Variants in KMT2E observed in about 807,000 individuals in gnomAD.
KMT2E encodes the protein histone reader KMT2E.
In KMT2E, 30 loss-of-function variants were observed where a neutral mutation model predicts 184.6. The ratio of observed to expected loss-of-function variants is 0.16; its 90% CI spans 0.12 to 0.22. The LOEUF (loss-of-function observed/expected upper bound fraction) is 0.22. Ranked by LOEUF, KMT2E falls within the 10% of genes least tolerant of loss-of-function variation. The probability of loss-of-function intolerance (pLI) is 1.00; values close to 1 mark genes in which losing one functional copy is unlikely to be tolerated. For missense variants in KMT2E, 2,023 were observed against 2,237.4 expected, an observed-to-expected ratio of 0.90 and a Z score of 1.93; for synonymous variants, 815 against 776.5, an observed-to-expected ratio of 1.05 and a Z score of -0.82.
Position 105,090,293 on chromosome 7 carries a change from A to G in KMT2E, c.1623+20A>G, listed in dbSNP as rs113236949. ...AATCAGGTACTGAACTCTGCTCTCA[A>G]TGAAATTGAATAAACAAAGGAAAAT... On this transcript the variant is annotated intron_variant, in intron 14 of 26. Transcript: ENST00000311117. 1.6e-4 allele frequency: 244 copies of G among 1,565,942 alleles called. No individual in the cohort carries two copies. The highest frequency in any genetic ancestry group is 3.5e-4 in the Middle Eastern group (2 of 5,794).
intron 3 of KMT2E, among the ~76,000 whole-genome samples, chr7:105,058,351 A>G (rs1796657169): frequency 6.6e-6 from 1 of 152,214 alleles, no homozygotes; most frequent in Non-Finnish European, 1.5e-5. Flanking sequence ...TTAATGATCA[A>G]CAGATTCAGG....
At position 105,062,178 on chromosome 7, in the gene KMT2E, A is replaced by AAGCT; in HGVS notation, c.90_93dup (p.Pro32Ter). 6.2e-7 allele frequency: 1 copy of AAGCT among 1,611,690 alleles called. No homozygotes were observed. On this transcript the variant is annotated frameshift_variant, in exon 4 of 27. Coordinates refer to ENST00000311117, the MANE Select transcript of KMT2E (RefSeq NM_182931.3). LOFTEE classifies it high-confidence loss of function. ...TTTCCCCCCAGACCAGAATCCGTAGAAGCTAGCCCTGTGGTAGTTGAGAAA... is the reference window on the plus strand; with the variant it reads ...TTTCCCCCCAGACCAGAATCCGTAGAAGCTAGCTAGCCCTGTGGTAGTTGAGAAA...
In KMT2E at chr7:105,108,000, T is replaced by TA; in HGVS notation, c.3468+76dup. ...TCATAATACTACTGAGGGGAATTGTTAGATGTATTATGTAAGGCATTCTTA... is the reference window on the plus strand; with the variant it reads ...TCATAATACTACTGAGGGGAATTGTTAAGATGTATTATGTAAGGCATTCTTA... On this transcript the variant is annotated intron_variant, in intron 22 of 26. Transcript: ENST00000311117. 3 of 1,019,590 alleles carry TA rather than the reference T, an allele frequency of 2.9e-6. No individual in the cohort carries two copies. The South Asian group carries it at 5.8e-5, about 20-fold the overall frequency. 63.2% of individuals were successfully genotyped at this position (1,019,590 alleles called of 1,614,324 possible).
At chr7:105,025,531 T>C (rs938008090) in intron 1 of KMT2E, among the ~76,000 whole-genome samples, 1 of 152,176 alleles carries the variant, frequency 6.6e-6, no homozygotes. Context: ...TTAATCTTCA[T>C]TTAACCAATG....
chr7:105,073,320 C>T (rs1267907707), intron 6 of KMT2E, among the ~76,000 whole-genome samples: 10 of 150,664 alleles, frequency 6.6e-5, no homozygotes, highest in African/African-American at 2.4e-4. Context: ...TCCCTTGAAC[C>T]TGGAAGGTTG....
Position 105,101,319 on chromosome 7 carries a change from GAT to G in KMT2E, c.1723-104_1723-103del, listed in dbSNP as rs1374137574. Reference sequence around the variant, plus strand: ...CCACCAATAATAGAAGTAGTTTGCTGATAGTATCATAGCAATTATTTTTTACA... The same window carrying G: ...CCACCAATAATAGAAGTAGTTTGCTGAGTATCATAGCAATTATTTTTTACA... On this transcript the variant is annotated intron_variant, in intron 15 of 26. Transcript: ENST00000311117. 4 of 707,774 alleles carry G rather than the reference GAT, an allele frequency of 5.7e-6. No homozygotes were observed. In the Admixed American group the frequency reaches 1.5e-4, roughly 26 times the overall value. The allele number at this position is 707,774 out of a possible 1,614,324, so 43.8% of individuals were successfully genotyped here.
At chr7:105,030,105 A>G (rs1468912338) in intron 1 of KMT2E, among the ~76,000 whole-genome samples, 1 of 152,212 alleles carries the variant, frequency 6.6e-6, no homozygotes, top group Non-Finnish European at 1.5e-5. Context: ...TTCTAGAACA[A>G]TGTCTGTCAA....
At chr7:105,021,109 T>C (rs977175350) in intron 1 of KMT2E, among the ~76,000 whole-genome samples, 4 of 152,218 alleles carry the variant, frequency 2.6e-5, no homozygotes, top group African/African-American at 9.6e-5. Flanking sequence ...TTTAATGAAG[T>C]GGCTGAGATG....
rs369558372 is a variant in KMT2E, at chr7:105,071,189, CTT to C, written c.498-2424_498-2423del. 2.6e-3 allele frequency among the ~76,000 whole-genome samples: 390 copies of C among 152,116 alleles called. 1 individual carries two copies. The highest frequency in any genetic ancestry group is 9.0e-3 in the African/African-American group (375 of 41,506). ...CTGATAGAGCTTCAATGTACTGTAT[CTT>C]TTTTTGTACTCTATTCAACTAGTTG... is the stretch of plus-strand genomic sequence containing the variant. On this transcript the variant is annotated intron_variant, in intron 6 of 26. Transcript: ENST00000311117.
chr7:105,074,711 A>C lies in KMT2E; in HGVS notation c.625A>C (p.Thr209Pro). ...GGAATTATATACTGCATTTCAGCAT[A>C]CTCCAACATCAATTACTTTAACTGC... Reference protein sequence around the residue: ...PVELYTAFQHTPTSITLTASR... With the variant: ...PVELYTAFQHPPTSITLTASR... The change falls in exon 8 of 27, where the codon ACT (threonine) becomes CCT (proline). Residue 209 changes from threonine (T) to proline (P), a missense_variant. Thr to Pro is a conservative substitution (Grantham distance 38). Around this residue, in one of 8 missense-constraint regions of KMT2E, gnomAD observed 191 missense variants for 209.0 expected, o/e 0.91. Transcript: ENST00000311117. The C allele has an allele frequency of 6.2e-7, 1 of 1,610,132 alleles. No individual in the cohort carries two copies. The highest frequency in any genetic ancestry group is 8.5e-7 in the Non-Finnish European group (1 of 1,178,286).
At chr7:105,098,215 C>T (rs1798499123) in intron 15 of KMT2E, among the ~76,000 whole-genome samples, 1 of 149,396 alleles carries the variant, frequency 6.7e-6, no homozygotes, top group Non-Finnish European at 1.5e-5. Context: ...TGTAGGTGGG[C>T]TCTGGCTTTC....
At chr7:105,018,348 T>C (rs561580508) in intron 1 of KMT2E, among the ~76,000 whole-genome samples, 1 of 152,328 alleles carries the variant, frequency 6.6e-6, no homozygotes, top group African/African-American at 2.4e-5. Context: ...TGCTATTTTA[T>C]GTTTACTATT....
At position 105,091,301 on chromosome 7, in the gene KMT2E, G is replaced by A; in HGVS notation, c.1709G>A (p.Arg570Lys). 6.3e-7 allele frequency: 1 copy of A among 1,599,394 alleles called. No homozygotes were observed. Among genetic ancestry groups the A allele is most frequent in the Non-Finnish European group, 8.6e-7 (1 of 1,166,730 alleles). ...GAATCAGAGGAGCAGATTGCAGAAA[G>A]GAAAAGGAAGATGGTAAGTTGGGAA... ...EMESEEQIAE[R>K]KRKMTREERK... The change falls in exon 15 of 27, where the codon AGG (arginine) becomes AAG (lysine). Residue 570 changes from arginine to lysine, a missense_variant. By Grantham distance (26) the Arg-to-Lys change is conservative. This residue lies in a region of KMT2E where 514 missense variants were observed against 621.8 expected (regional missense o/e 0.83). Coordinates refer to ENST00000311117, the MANE Select transcript of KMT2E (RefSeq NM_182931.3).
At chr7:105,086,569 A>G (rs1797971910) in intron 13 of KMT2E, among the ~76,000 whole-genome samples, 1 of 151,766 alleles carries the variant, frequency 6.6e-6, no homozygotes, top group Admixed American at 6.6e-5. Flanking sequence ...TACTAAAAAT[A>G]CAAAAATTAG....
At position 105,107,456 on chromosome 7, in the gene KMT2E, A is replaced by T. The variant is rs145236802; in HGVS notation, c.2999A>T (p.Tyr1000Phe). 1 of 1,614,130 alleles carries T rather than the reference A, an allele frequency of 6.2e-7. No individual in the cohort carries two copies. Among genetic ancestry groups the T allele is most frequent in the African/African-American group, 1.3e-5 (1 of 75,056 alleles). Reference sequence around the variant, plus strand: ...CTGCAAGAAATAAAGACTATTGGTTATACGAGCCCTAGGAGTAGGACTGAA... The same window carrying T: ...CTGCAAGAAATAAAGACTATTGGTTTTACGAGCCCTAGGAGTAGGACTGAA... ...LGLQEIKTIG[Y>F]TSPRSRTEVN... The change falls in exon 22 of 27, where the codon TAT becomes TTT. Residue 1000 changes from tyrosine (Y) to phenylalanine (F), a missense_variant. Tyr to Phe is a conservative substitution (Grantham distance 22). Transcript: ENST00000311117.
At chr7:105,035,912 T>G (rs1020756166) in intron 1 of KMT2E, among the ~76,000 whole-genome samples, 1 of 152,180 alleles carries the variant, frequency 6.6e-6, no homozygotes, top group Non-Finnish European at 1.5e-5. Context: ...TGTGGTGTTT[T>G]AATGCATTGT....
chr7:105,107,867 T>C lies in KMT2E; in HGVS notation c.3410T>C (p.Val1137Ala), dbSNP rs1376974748. The C allele has an allele frequency of 1.2e-6, 2 of 1,614,134 alleles. No homozygotes were observed. The highest frequency in any genetic ancestry group is 1.7e-6 in the Non-Finnish European group (2 of 1,179,996). ...CTTGTATCTGGTTTCGGACGGACTG[T>C]TAATGACAATTTGATCGACGGGAAT... ...DGLVSGFGRTVNDNLIDGNCT... is the reference protein window; with the variant it reads ...DGLVSGFGRTANDNLIDGNCT... Residue 1137 changes from valine (V) to alanine (A), a missense_variant, in exon 22 of 27, where the codon GTT (valine) becomes GCT (alanine). Coordinates refer to ENST00000311117, the MANE Select transcript of KMT2E (RefSeq NM_182931.3).
At position 105,113,203 on chromosome 7, in the gene KMT2E, G is replaced by C; in HGVS notation, c.5447G>C (p.Gly1816Ala). The C allele has an allele frequency of 2.5e-6, 4 of 1,614,158 alleles. No individual in the cohort carries two copies. Among genetic ancestry groups the C allele is most frequent in the Non-Finnish European group, 3.4e-6 (4 of 1,180,026 alleles). ...GCTTCAGGGTTCTGTCCTCATCCTGGCTCTGTGGCCCTGCCACATGGGGTT... is the reference window on the plus strand; with the variant it reads ...GCTTCAGGGTTCTGTCCTCATCCTGCCTCTGTGGCCCTGCCACATGGGGTT... ...PTASGFCPHP[G>A]SVALPHGVQG... Residue 1816 changes from glycine to alanine, a missense_variant, in exon 27 of 27, where the codon GGC becomes GCC. Coordinates refer to ENST00000311117, the MANE Select transcript of KMT2E (RefSeq NM_182931.3).
intron 3 of KMT2E, among the ~76,000 whole-genome samples, chr7:105,057,725 C>G (rs80094784): frequency 1.3e-5 from 2 of 152,032 alleles, no homozygotes; most frequent in Non-Finnish European, 2.9e-5. Flanking sequence ...GTGCTGTGAT[C>G]GTAAGCGTGA....
Sources: allele counts gnomAD v4.1 joint callset (sites outside exome capture counted in the v4.1 genomes callset), GRCh38; gene constraint gnomAD v4.1.1; regional missense constraint gnomAD v4.1.1; transcripts MANE v1.5; gene names NCBI Gene and HGNC (gene_info 2026-07-23, HGNC 2026-07-21).